Variants in MYZAP observed in about 807,000 individuals in gnomAD.
The protein encoded by MYZAP is myocardial zonula adherens protein.
Under a neutral mutation model 69.4 loss-of-function variants are expected in MYZAP, and 66 were observed. That is an observed-to-expected ratio of 0.95 (90% CI 0.78 to 1.17). MYZAP has a LOEUF of 1.17. Ranked by LOEUF, MYZAP falls within the 50% of genes most tolerant of loss-of-function variation. The pLI is 0.00. For missense variants in MYZAP, 611 were observed against 556.2 expected (o/e 1.10, Z -0.99); for synonymous variants, 256 against 205.9 (o/e 1.24, Z -2.09).
At position 57,661,480 on chromosome 15, in the gene MYZAP, A is replaced by G. The variant is rs374878536; in HGVS notation, c.1150A>G (p.Lys384Glu). The G allele has an allele frequency of 6.3e-5, 101 of 1,609,298 alleles. No homozygotes were observed. Among genetic ancestry groups the G allele is most frequent in the Non-Finnish European group, 8.1e-5 (95 of 1,178,844 alleles). Residue 384 changes from lysine to glutamate, a missense_variant, in exon 11 of 13, where the codon AAA becomes GAA. Physicochemically the swap from Lys to Glu is moderately conservative, Grantham distance 56 (BLOSUM62 1). Transcript: ENST00000267853. ...ATCATTAAAGAAAAAGTTGCAACAG[A>G]AACAGCTCTTAATACTGCAGCTTTT... ...IESLKKKLQQ[K>E]QLLILQLLEK...
At chr15:57,668,911 A>G (rs986704347) in intron 11 of MYZAP, among the ~76,000 whole-genome samples, 21 of 140,204 alleles carry the variant, frequency 1.5e-4, no homozygotes, top group African/African-American at 3.1e-4. Context: ...TTTTTTTGCA[A>G]TGGGGTCTTG....
At chr15:57,600,530 C>T (rs1488965298) in intron 1 of MYZAP, among the ~76,000 whole-genome samples, 2 of 152,122 alleles carry the variant, frequency 1.3e-5, no homozygotes, top group African/African-American at 4.8e-5. Flanking sequence ...TATAGATGGG[C>T]AGATGAAGAA....
At chr15:57,673,571 T>G (rs2038979527) in intron 11 of MYZAP, among the ~76,000 whole-genome samples, 1 of 147,142 alleles carries the variant, frequency 6.8e-6, no homozygotes, top group Non-Finnish European at 1.5e-5. Context: ...GGTGATAGAT[T>G]CAGAACCCAT....
At position 57,639,490 on chromosome 15, in the gene MYZAP, A is replaced by G. The variant is rs1471147179; in HGVS notation, c.1064A>G (p.His355Arg). ...GCCAGCCTCCGTGAGCGGATCAGAC[A>G]CCTAGATGACATGGTGCATTGCCAG... ...ASASLRERIR[H>R]LDDMVHCQQK... The change falls in exon 10 of 13, where the codon CAC becomes CGC. Residue 355 changes from histidine (H) to arginine (R), a missense_variant. Coordinates refer to ENST00000267853, the MANE Select transcript of MYZAP (RefSeq NM_001018100.5). 3 of 1,614,096 alleles carry G rather than the reference A, an allele frequency of 1.9e-6. No individual in the cohort carries two copies. Among genetic ancestry groups the G allele is most frequent in the Non-Finnish European group, 1.7e-6 (2 of 1,179,998 alleles).
chr15:57,669,630 A>G (rs1595933078), intron 11 of MYZAP, among the ~76,000 whole-genome samples: 1 of 152,126 alleles, frequency 6.6e-6, no homozygotes, highest in Non-Finnish European at 1.5e-5. Flanking sequence ...TCTGCTTTCT[A>G]TTTTATTGAC....
At chr15:57,612,624 G>T (rs2035177103) in intron 2 of MYZAP, among the ~76,000 whole-genome samples, 1 of 152,220 alleles carries the variant, frequency 6.6e-6, no homozygotes, top group African/African-American at 2.4e-5. Context: ...TCTCATTTAA[G>T]ATTTGGACAA....
At chr15:57,626,581 A>C (rs763639005) in intron 5 of MYZAP, among the ~76,000 whole-genome samples, 1 of 152,228 alleles carries the variant, frequency 6.6e-6, no homozygotes, top group Admixed American at 6.5e-5. Flanking sequence ...CATTGTATGT[A>C]TTTGAAATAG....
rs76546831 is a variant in MYZAP, at chr15:57,666,800, A to T, written c.1203+5267A>T. Among the ~76,000 whole-genome samples the T allele has an allele frequency of 4.7e-3, 723 of 152,274 alleles. 3 individuals carry two copies. Among genetic ancestry groups the T allele is most frequent in the African/African-American group, 0.017 (702 of 41,560 alleles). On this transcript the variant is annotated intron_variant, in intron 11 of 12. Coordinates refer to ENST00000267853, the MANE Select transcript of MYZAP (RefSeq NM_001018100.5). ...ATATACCTTTGTCACCAACCTGCAC[A>T]TGTGCCCTCTGATTCTAAAATAAAT... is the stretch of plus-strand genomic sequence containing the variant.
At chr15:57,646,167 A>T in intron 10 of MYZAP, 1 of 1,289,366 alleles carries the variant, frequency 7.8e-7, no homozygotes, top group Non-Finnish European at 1.0e-6. Flanking sequence ...CTCCAGATTT[A>T]GTCTCCGGCT....
chr15:57,622,750 G>T (rs537158089), intron 4 of MYZAP, among the ~76,000 whole-genome samples: 1 of 152,120 alleles, frequency 6.6e-6, no homozygotes, highest in African/African-American at 2.4e-5. Context: ...ACCCAAAAGT[G>T]CCAGAAGAAA....
chr15:57,621,868 A>C (rs1250967116), intron 4 of MYZAP, among the ~76,000 whole-genome samples, 168 bp downstream of exon 4: 1 of 152,170 alleles, frequency 6.6e-6, no homozygotes, highest in Non-Finnish European at 1.5e-5. Flanking sequence ...TTATTACCTA[A>C]AGGGAAATTT....
intron 8 of MYZAP, among the ~76,000 whole-genome samples, chr15:57,637,167 G>A (rs772778094): frequency 6.6e-6 from 1 of 152,180 alleles, no homozygotes; most frequent in Non-Finnish European, 1.5e-5. Flanking sequence ...AATCACATCT[G>A]CAGAATTCCT....
At chr15:57,603,918 AT>A (rs1200716024) in intron 1 of MYZAP, among the ~76,000 whole-genome samples, 2 of 152,194 alleles carry the variant, frequency 1.3e-5, no homozygotes, top group Non-Finnish European at 2.9e-5. Flanking sequence ...CACTGTGTAT[AT>A]TTTGGCTTCT....
At chr15:57,632,345 T>G (rs2036554649) in intron 6 of MYZAP, 89 bp from the exon 7 acceptor site, 2 of 1,581,838 alleles carry the variant, frequency 1.3e-6, no homozygotes, top group Non-Finnish European at 1.7e-6. Flanking sequence ...TCACTACCTC[T>G]GTGAGTCCCC....
chr15:57,601,237 G>A (rs1306073879), intron 1 of MYZAP, among the ~76,000 whole-genome samples: 3 of 151,756 alleles, frequency 2.0e-5, no homozygotes, highest in Admixed American at 1.3e-4. Flanking sequence ...GTGTATGTGT[G>A]TATGTGTGAT....
At chr15:57,601,936 G>A (rs1460075163) in intron 1 of MYZAP, among the ~76,000 whole-genome samples, 1 of 152,126 alleles carries the variant, frequency 6.6e-6, no homozygotes, top group Non-Finnish European at 1.5e-5. Context: ...CTTGGAGGGT[G>A]GCAATGGTGT....
intron 1 of MYZAP, among the ~76,000 whole-genome samples, chr15:57,597,711 A>C (rs1451371797): frequency 4.6e-5 from 7 of 152,144 alleles, no homozygotes; most frequent in Admixed American, 3.3e-4. Context: ...GGGCCTGCAA[A>C]ACCTAAATAT....
In MYZAP at chr15:57,598,906, T is replaced by C. The variant is rs1237533382; in HGVS notation, c.76-5363T>C. Among the ~76,000 whole-genome samples the C allele has an allele frequency of 2.0e-5, 3 of 152,208 alleles. No individual in the cohort carries two copies. In the East Asian group the frequency reaches 5.8e-4, roughly 29 times the overall value. ...CTGACCTGTAAAGTCCTTTCTGTCC[T>C]TCTATACCCAGCTTAAATTGTATCC... On this transcript the variant is annotated intron_variant, in intron 1 of 12. Transcript: ENST00000267853.
chr15:57,674,494 T>G (rs1197185320), intron 11 of MYZAP, among the ~76,000 whole-genome samples: 2 of 152,212 alleles, frequency 1.3e-5, no homozygotes, highest in Non-Finnish European at 2.9e-5. Flanking sequence ...CATTTTATAG[T>G]TTAATGAGGA....
Sources: gnomAD v4.1 joint callset for allele counts (sites outside exome capture counted in the v4.1 genomes callset) on GRCh38, gnomAD v4.1.1 for gene constraint, MANE v1.5 for transcripts, NCBI Gene and HGNC (gene_info 2026-07-23, HGNC 2026-07-21) for gene names.